COL4A3: variants seen among roughly 807,000 people sequenced by gnomAD.
COL4A3 encodes the protein collagen alpha-3(IV) chain.
Under a neutral mutation model 217.4 loss-of-function variants are expected in COL4A3, and 135 were observed. The observed-to-expected ratio is 0.62, with a 90% CI of 0.54 to 0.72. COL4A3 has a LOEUF of 0.72. Among genes scored for constraint, COL4A3 ranks in the 30% least tolerant of loss-of-function variants. COL4A3 has a pLI of 0.00. For synonymous variants in COL4A3, 690 were observed against 736.3 expected (o/e 0.94, Z 1.02); for missense variants, 1,868 against 2,119.9 (o/e 0.88, Z 2.33).
At chr2:227,222,699 T>C (rs2067876986) in intron 1 of COL4A3, 1 of 152,186 alleles carries the variant, frequency 6.6e-6, no homozygotes, top group South Asian at 2.1e-4. Context: ...TGCTCTGGAA[T>C]CAGCAAAACT....
At chr2:227,183,541 G>A (rs532033909) in intron 1 of COL4A3, among the ~76,000 whole-genome samples, 1 of 152,248 alleles carries the variant, frequency 6.6e-6, no homozygotes, top group African/African-American at 2.4e-5. Flanking sequence ...GCATTAGGGG[G>A]CATACAGGTA....
chr2:227,288,242 G>A (rs1301084604), intron 34 of COL4A3, among the ~76,000 whole-genome samples: 1 of 152,102 alleles, frequency 6.6e-6, no homozygotes, highest in African/African-American at 2.4e-5. Context: ...GATTACAGGT[G>A]TGTGCCACCA....
Position 227,164,973 on chromosome 2 carries a change from C to T in COL4A3, c.87+160C>T, listed in dbSNP as rs571277225. ...CGCAGGTCCCGGGACAGGCAGCGAG[C>T]GGAAGGGAGCAAGCGGGGATGCCCC... On this transcript the variant is annotated intron_variant, in intron 1 of 51. Coordinates refer to ENST00000396578, the MANE Select transcript of COL4A3 (RefSeq NM_000091.5). The surrounding 1 kb of genome is among the most constrained non-coding windows in gnomAD (Gnocchi z 4.8). Among the ~76,000 whole-genome samples the T allele has an allele frequency of 3.3e-4, 50 of 152,196 alleles. No homozygotes were observed. Among genetic ancestry groups the T allele is most frequent in the African/African-American group, 1.1e-3 (47 of 41,534 alleles).
intron 1 of COL4A3, among the ~76,000 whole-genome samples, chr2:227,180,997 T>C (rs2065851175): frequency 6.6e-6 from 1 of 152,162 alleles, no homozygotes; most frequent in African/African-American, 2.4e-5. Flanking sequence ...CTTAGGACTA[T>C]CCCGATTAAA....
At chr2:227,255,329 G>A (rs775812586) in intron 15 of COL4A3, among the ~76,000 whole-genome samples, 4 of 152,236 alleles carry the variant, frequency 2.6e-5, no homozygotes, top group Non-Finnish European at 4.4e-5. Flanking sequence ...CTGGAAAAAC[G>A]GAAGCAGCAG....
chr2:227,298,225 G>C (rs991585827), intron 42 of COL4A3, among the ~76,000 whole-genome samples: 1 of 152,142 alleles, frequency 6.6e-6, no homozygotes, highest in Non-Finnish European at 1.5e-5. Flanking sequence ...GGTGGTGCAT[G>C]CCTGTAATAC....
Position 227,312,172 on chromosome 2 carries a change from T to C in COL4A3, c.*302T>C, listed in dbSNP as rs1458850450. The C allele has an allele frequency of 2.9e-6, 1 of 350,438 alleles. No homozygotes were observed. The highest frequency in any genetic ancestry group is 6.7e-5 in the East Asian group (1 of 14,854). 21.7% of individuals were successfully genotyped at this position (350,438 alleles called of 1,614,324 possible). A position where few individuals can be genotyped will look rare whatever the true frequency, so the allele number is the denominator to read the frequency against. On this transcript the variant is annotated 3_prime_UTR_variant, in exon 52 of 52. Coordinates refer to ENST00000396578, the MANE Select transcript of COL4A3 (RefSeq NM_000091.5). Reference sequence around the variant, plus strand: ...CTGTCACTACGGTGATTGTATGAAGTTTGAATGCTGCAAGTTATGAAATAT... The same window carrying C: ...CTGTCACTACGGTGATTGTATGAAGCTTGAATGCTGCAAGTTATGAAATAT...
At chr2:227,210,941 C>T (rs767910392) in intron 1 of COL4A3, among the ~76,000 whole-genome samples, 15 of 152,148 alleles carry the variant, frequency 9.9e-5, no homozygotes, top group Non-Finnish European at 2.1e-4. Flanking sequence ...TTTCAGTGTA[C>T]GTGTGTTCGT....
chr2:227,204,533 A>G (rs914648974), intron 1 of COL4A3, among the ~76,000 whole-genome samples: 3 of 152,192 alleles, frequency 2.0e-5, no homozygotes, highest in Non-Finnish European at 2.9e-5. Context: ...CGTGCAAATG[A>G]TGGCTGAAGC....
intron 1 of COL4A3, among the ~76,000 whole-genome samples, chr2:227,177,344 A>G (rs982726207): frequency 6.6e-6 from 1 of 151,436 alleles, no homozygotes; most frequent in African/African-American, 2.4e-5. Context: ...TTTAATAGAG[A>G]CAGGGTTTGA....
chr2:227,308,018 C>A, intron 48 of COL4A3, 99 bp downstream of exon 48: 1 of 985,666 alleles, frequency 1.0e-6, no homozygotes, highest in Non-Finnish European at 1.6e-6. Context: ...GTGTAAATAA[C>A]CTTGAGTGTC....
chr2:227,266,513 G>T lies in COL4A3; in HGVS notation c.1408+4G>T. ...CCAGGAGTTGATGGGCCCAAAGGTTGGTTCAATCAATAATGTTGTATTAGG... is the reference window on the plus strand; with the variant it reads ...CCAGGAGTTGATGGGCCCAAAGGTTTGTTCAATCAATAATGTTGTATTAGG... On this transcript the variant is annotated splice_donor_region_variant and intron_variant, in intron 22 of 51. Transcript: ENST00000396578. The T allele has an allele frequency of 6.2e-7, 1 of 1,610,128 alleles. No individual in the cohort carries two copies.
intron 20 of COL4A3, among the ~76,000 whole-genome samples, chr2:227,263,515 AT>A (rs2070717312): frequency 6.6e-6 from 1 of 152,254 alleles, no homozygotes. Flanking sequence ...TAAAAAGACT[AT>A]AGTGCATCCC....
At chr2:227,247,914 C>A (rs1270795216) in intron 8 of COL4A3, among the ~76,000 whole-genome samples, 1 of 152,054 alleles carries the variant, frequency 6.6e-6, no homozygotes, top group Non-Finnish European at 1.5e-5. Flanking sequence ...TGTTTTATTA[C>A]CCCTGCGTCT....
At chr2:227,179,151 AT>A (rs1372499018) in intron 1 of COL4A3, among the ~76,000 whole-genome samples, 1 of 151,626 alleles carries the variant, frequency 6.6e-6, no homozygotes, top group Admixed American at 6.6e-5. Context: ...GGGTTTCTCT[AT>A]TTTGCCCAGG....
Position 227,183,756 on chromosome 2 carries a change from C to A in COL4A3, c.87+18943C>A, listed in dbSNP as rs2065930089. On this transcript the variant is annotated intron_variant, in intron 1 of 51. Coordinates refer to ENST00000396578, the MANE Select transcript of COL4A3 (RefSeq NM_000091.5). ...AGCACATCAATTTCACTTGAGAGAA[C>A]TACTCTCTCCTCCTTGCTTGTCAGT... is the stretch of plus-strand genomic sequence containing the variant. Among the ~76,000 whole-genome samples the A allele has an allele frequency of 1.3e-5, 2 of 152,176 alleles. 1 individual carries two copies. The highest frequency in any genetic ancestry group is 4.1e-4 in the South Asian group (2 of 4,834).
chr2:227,244,716 T>A lies in COL4A3; in HGVS notation c.280-235T>A. The A allele has an allele frequency of 5.8e-6, 4 of 689,774 alleles. No homozygotes were observed. In the South Asian group the frequency reaches 6.4e-5, roughly 11 times the overall value. The allele number at this position is 689,774 out of a possible 1,614,324, so 42.7% of individuals were successfully genotyped here. A position where few individuals can be genotyped will look rare whatever the true frequency, so the allele number is the denominator to read the frequency against. On this transcript the variant is annotated intron_variant, in intron 4 of 51. Coordinates refer to ENST00000396578, the MANE Select transcript of COL4A3 (RefSeq NM_000091.5). ...TTGCATGCAAATTGTACCTTAGGAA[T>A]CGATCCAAAAAAGCCAAAAATAATC...
chr2:227,239,638 T>C (rs896311379), intron 2 of COL4A3, among the ~76,000 whole-genome samples: 5 of 152,242 alleles, frequency 3.3e-5, no homozygotes, highest in Admixed American at 2.6e-4. Flanking sequence ...CTGCATCTCC[T>C]ACACAAATAA....
intron 1 of COL4A3, among the ~76,000 whole-genome samples, chr2:227,230,516 C>T (rs1195945723): frequency 2.6e-5 from 4 of 151,998 alleles, no homozygotes; most frequent in African/African-American, 9.7e-5. Flanking sequence ...TAATAGTTAG[C>T]CTTTGGCCAT....
Sources: allele counts gnomAD v4.1 joint callset (sites outside exome capture counted in the v4.1 genomes callset), GRCh38; gene constraint gnomAD v4.1.1; non-coding constraint Gnocchi (gnomAD v3.1); transcripts MANE v1.5; gene names NCBI Gene and HGNC (gene_info 2026-07-23, HGNC 2026-07-21).